DOK6: variants seen among roughly 807,000 people sequenced by gnomAD.
DOK6 encodes the protein docking protein 6, also known as downstream of tyrosine kinase 6.
DOK6 carries 22 observed loss-of-function variants against 44.0 expected under a neutral mutation model. The ratio of observed to expected loss-of-function variants is 0.50; its 90% CI spans 0.36 to 0.71. The LOEUF (loss-of-function observed/expected upper bound fraction) is 0.71. Ranked by LOEUF, DOK6 falls within the 30% of genes least tolerant of loss-of-function variation. The pLI is 0.00. For synonymous variants in DOK6, 166 were observed against 145.5 expected, an observed-to-expected ratio of 1.14 and a Z score of -1.01; for missense variants, 340 against 416.4, an observed-to-expected ratio of 0.82 and a Z score of 1.60.
intron 1 of DOK6, among the ~76,000 whole-genome samples, chr18:69,403,057 C>G (rs1442239692): frequency 6.6e-6 from 1 of 152,192 alleles, no homozygotes; most frequent in Non-Finnish European, 1.5e-5. Context: ...GATGCTTGAT[C>G]ATTTTTCTCG....
intron 1 of DOK6, among the ~76,000 whole-genome samples, chr18:69,460,159 C>T (rs1018258531): frequency 6.6e-6 from 1 of 152,042 alleles, no homozygotes; most frequent in African/African-American, 2.4e-5. Flanking sequence ...GAGAAAATTC[C>T]TCATTACTAA....
chr18:69,555,171 C>G (rs563904484), intron 1 of DOK6, among the ~76,000 whole-genome samples: 2 of 152,092 alleles, frequency 1.3e-5, no homozygotes, highest in Non-Finnish European at 2.9e-5. Flanking sequence ...TTATTTTTCT[C>G]TACTTTGAAA....
At chr18:69,460,031 C>A (rs1239694541) in intron 1 of DOK6, among the ~76,000 whole-genome samples, 1 of 151,936 alleles carries the variant, frequency 6.6e-6, no homozygotes, top group Non-Finnish European at 1.5e-5. Flanking sequence ...TAAATTGTTC[C>A]AAATGTAGCC....
chr18:69,591,486 T>G (rs1399698271), intron 2 of DOK6, among the ~76,000 whole-genome samples: 3 of 152,170 alleles, frequency 2.0e-5, no homozygotes, highest in Admixed American at 1.3e-4. Flanking sequence ...TACTGAAAAT[T>G]TGAAAATTTA....
intron 7 of DOK6, among the ~76,000 whole-genome samples, chr18:69,775,252 A>C (rs1422892719): frequency 1.3e-5 from 2 of 152,026 alleles, no homozygotes. Flanking sequence ...AAAGAAAATA[A>C]ATAATGGATG....
intron 3 of DOK6, among the ~76,000 whole-genome samples, chr18:69,668,913 A>G (rs1164836490): frequency 6.6e-6 from 1 of 152,314 alleles, no homozygotes; most frequent in East Asian, 1.9e-4. Flanking sequence ...TCCTAGTTTA[A>G]TATTGCCCTT....
At chr18:69,636,078 T>C (rs1454098937) in intron 3 of DOK6, among the ~76,000 whole-genome samples, 1 of 152,172 alleles carries the variant, frequency 6.6e-6, no homozygotes, top group East Asian at 1.9e-4. Flanking sequence ...AATTCTGTAA[T>C]GCAGACACCT....
In DOK6 at chr18:69,812,497, C is replaced by T. The variant is rs549559031; in HGVS notation, c.857-28747C>T. Among the ~76,000 whole-genome samples the T allele has an allele frequency of 1.2e-4, 19 of 152,194 alleles. No homozygotes were observed. In the South Asian group the frequency reaches 2.1e-3, roughly 17 times the overall value. On this transcript the variant is annotated intron_variant, in intron 7 of 7. Transcript: ENST00000382713. ...CAACAAACGGGCTGCTGTCAGCTCC[C>T]AAGGATCTGAAGGCAAATTGCAGAT...
At chr18:69,635,306 G>C (rs551450620) in intron 3 of DOK6, among the ~76,000 whole-genome samples, 15 of 152,194 alleles carry the variant, frequency 9.9e-5, no homozygotes, top group Middle Eastern at 3.4e-3. Context: ...GGATTGGCTT[G>C]AGGCACAGTT....
At chr18:69,567,109 A>C (rs1283419284) in intron 2 of DOK6, among the ~76,000 whole-genome samples, 4 of 152,280 alleles carry the variant, frequency 2.6e-5, no homozygotes, top group East Asian at 1.9e-4. Flanking sequence ...TATTCTGTGA[A>C]TCGTCAAAAC....
At chr18:69,568,632 A>G (rs577756220) in intron 2 of DOK6, among the ~76,000 whole-genome samples, 18 of 152,186 alleles carry the variant, frequency 1.2e-4, no homozygotes, top group Non-Finnish European at 2.4e-4. Flanking sequence ...GTGGCCTGTT[A>G]GAAACCAGGC....
intron 7 of DOK6, among the ~76,000 whole-genome samples, chr18:69,775,635 A>T (rs1438974503): frequency 6.6e-6 from 1 of 151,646 alleles, no homozygotes; most frequent in Admixed American, 6.6e-5. Flanking sequence ...AAAAAAGAGT[A>T]AATAAATATT....
intron 1 of DOK6, among the ~76,000 whole-genome samples, chr18:69,499,345 T>C (rs1241907324): frequency 6.6e-6 from 1 of 151,704 alleles, no homozygotes; most frequent in Non-Finnish European, 1.5e-5. Flanking sequence ...TTTTAACTCT[T>C]GAGTCAATCA....
rs960540463 is a variant in DOK6, at chr18:69,426,850, C to T, written c.66+25540C>T. ...TACTCTCCTTTATTTCTTTTTTTAACTTCTATTTTAAGTTCAGGAGTACAA... is the reference window on the plus strand; with the variant it reads ...TACTCTCCTTTATTTCTTTTTTTAATTTCTATTTTAAGTTCAGGAGTACAA... On this transcript the variant is annotated intron_variant, in intron 1 of 7. Coordinates refer to ENST00000382713, the MANE Select transcript of DOK6 (RefSeq NM_152721.6). Among the ~76,000 whole-genome samples, 14 of 151,620 alleles carry T rather than the reference C, an allele frequency of 9.2e-5. No individual in the cohort carries two copies. The East Asian group carries it at 2.7e-3, about 29-fold the overall frequency.
chr18:69,561,075 C>A (rs1236473146), intron 1 of DOK6, among the ~76,000 whole-genome samples: 2 of 152,064 alleles, frequency 1.3e-5, no homozygotes, highest in African/African-American at 4.8e-5. Flanking sequence ...GAAAATTGTA[C>A]CTACTCTATA....
rs187870550 is a variant in DOK6, at chr18:69,655,528, G to T, written c.290-22206G>T. On this transcript the variant is annotated intron_variant, in intron 3 of 7. Coordinates refer to ENST00000382713, the MANE Select transcript of DOK6 (RefSeq NM_152721.6). ...AGCATGTTGGGAGGTCGAGGTGGGT[G>T]GATTGCCTGAGCTCAGGAGTTTGAG... is the stretch of plus-strand genomic sequence containing the variant. Among the ~76,000 whole-genome samples, 274 of 152,042 alleles carry T rather than the reference G, an allele frequency of 1.8e-3. 2 individuals are homozygous for T. Among genetic ancestry groups the T allele is most frequent in the African/African-American group, 6.2e-3 (256 of 41,506 alleles).
chr18:69,486,032 C>T (rs566096119), intron 1 of DOK6, among the ~76,000 whole-genome samples: 4 of 151,748 alleles, frequency 2.6e-5, no homozygotes, highest in Non-Finnish European at 4.4e-5. Context: ...ATAAATGCCA[C>T]TTCTTGGATG....
At chr18:69,599,781 G>A (rs1983830656) in intron 3 of DOK6, among the ~76,000 whole-genome samples, 1 of 152,170 alleles carries the variant, frequency 6.6e-6, no homozygotes, top group South Asian at 2.1e-4. Context: ...TTGTTCGGGT[G>A]AGTGCATGAC....
chr18:69,606,103 C>G (rs1983988381), intron 3 of DOK6, among the ~76,000 whole-genome samples: 1 of 151,856 alleles, frequency 6.6e-6, no homozygotes, highest in Non-Finnish European at 1.5e-5. Flanking sequence ...GAAACCCTGT[C>G]TCTACTAAAA....
Sources: gnomAD v4.1 joint callset for allele counts (sites outside exome capture counted in the v4.1 genomes callset) on GRCh38, gnomAD v4.1.1 for gene constraint, MANE v1.5 for transcripts, NCBI Gene and HGNC (gene_info 2026-07-23, HGNC 2026-07-21) for gene names.